Variants in TEX36 observed in about 807,000 individuals in gnomAD.
TEX36 encodes the protein testis-expressed protein 36.
A neutral mutation model predicts 13.6 loss-of-function variants in TEX36; 12 were observed. That is an observed-to-expected ratio of 0.88 (90% CI 0.56 to 1.43). TEX36 has a LOEUF of 1.43. Ranked by LOEUF, TEX36 falls within the 40% of genes most tolerant of loss-of-function variation. TEX36 has a pLI of 0.00. For missense variants in TEX36, 224 were observed against 228.3 expected (o/e 0.98, Z 0.12); for synonymous variants, 93 against 83.0 (o/e 1.12, Z -0.65).
At chr10:125,596,444 A>G (rs751888324) in intron 3 of TEX36, among the ~76,000 whole-genome samples, 1 of 152,150 alleles carries the variant, frequency 6.6e-6, no homozygotes, top group Non-Finnish European at 1.5e-5. Context: ...GGAGGAAGAG[A>G]CCATGAATTA....
chr10:125,669,261 A>G (rs1847179101), intron 1 of TEX36, among the ~76,000 whole-genome samples: 1 of 152,184 alleles, frequency 6.6e-6, no homozygotes. Flanking sequence ...ACTGCCCTCC[A>G]GCCTGGAAAC....
At chr10:125,640,319 A>G (rs931931584) in intron 3 of TEX36, 2 of 525,708 alleles carry the variant, frequency 3.8e-6, no homozygotes, top group Non-Finnish European at 4.9e-6. Context: ...TTCTATTGGG[A>G]GAGAGAATAA....
chr10:125,608,691 A>G (rs1301476542), intron 3 of TEX36, among the ~76,000 whole-genome samples: 5 of 152,196 alleles, frequency 3.3e-5, no homozygotes, highest in African/African-American at 7.2e-5. Context: ...ACTGTGTGCC[A>G]GCACTAGGGA....
chr10:125,683,150 G>T lies in TEX36; in HGVS notation c.-161C>A. On this transcript the variant is annotated 5_prime_UTR_variant, in exon 1 of 4. Transcript: ENST00000368821. ...TTTACTTCTCAGCCTCTTCCAGGAG[G>T]GGAAGGTGCGGGTGCCCATTGTTGT... is the stretch of plus-strand genomic sequence containing the variant. The T allele has an allele frequency of 1.3e-6, 1 of 785,338 alleles. No individual in the cohort carries two copies. The highest frequency in any genetic ancestry group is 2.1e-6 in the Non-Finnish European group (1 of 473,874). 48.6% of individuals were successfully genotyped at this position (785,338 alleles called of 1,614,324 possible).
At chr10:125,650,414 A>G (rs1846834530) in intron 3 of TEX36, among the ~76,000 whole-genome samples, 1 of 152,198 alleles carries the variant, frequency 6.6e-6, no homozygotes, top group Admixed American at 6.5e-5. Flanking sequence ...ACATAACGAA[A>G]TGAAGGCAGA....
chr10:125,646,020 A>G (rs1846762476), intron 3 of TEX36, among the ~76,000 whole-genome samples: 1 of 152,252 alleles, frequency 6.6e-6, no homozygotes, highest in African/African-American at 2.4e-5. Context: ...ACACTTCTCA[A>G]TAACTATTGA....
chr10:125,663,136 T>G (rs1355851606), intron 1 of TEX36, among the ~76,000 whole-genome samples: 1 of 152,208 alleles, frequency 6.6e-6, no homozygotes, highest in Admixed American at 6.5e-5. Flanking sequence ...TGAGAGAGAC[T>G]AAACTTTCTC....
In TEX36 at chr10:125,602,453, C is replaced by T. The variant is rs571140782; in HGVS notation, c.265-25579G>A. Among the ~76,000 whole-genome samples the T allele has an allele frequency of 1.6e-4, 24 of 152,312 alleles. 1 individual carries two copies. In the South Asian group the frequency reaches 3.3e-3, roughly 21 times the overall value. ...TCCTCAAGCCCCACTGGGCACCTTC[C>T]GCCCCGTCTCGTGCTGTTCCCCTCT... is the stretch of plus-strand genomic sequence containing the variant. On this transcript the variant is annotated intron_variant, in intron 3 of 3. Transcript: ENST00000532135.
exon 4 of TEX36, chr10:125,576,554 C>A (rs1328816319): frequency 1.4e-6 from 1 of 714,042 alleles, no homozygotes; most frequent in Non-Finnish European, 2.2e-6. Flanking sequence ...CCTATTAATA[C>A]CTGCGCCCAC....
intron 2 of TEX36, 72 bp downstream of exon 2, chr10:125,661,774 C>A (rs1847046726): frequency 3.3e-6 from 5 of 1,526,008 alleles, no homozygotes; most frequent in African/African-American, 1.4e-5. Flanking sequence ...TTGTTTGGCC[C>A]AACGTGCCAG....
At chr10:125,640,341 T>C (rs750842142) in intron 3 of TEX36, 32 of 365,008 alleles carry the variant, frequency 8.8e-5, no homozygotes, top group Admixed American at 2.6e-4. Context: ...GCATTTGAGG[T>C]TATTTTGGTT....
chr10:125,622,671 T>A (rs1405281296), intron 3 of TEX36, among the ~76,000 whole-genome samples: 2 of 152,232 alleles, frequency 1.3e-5, no homozygotes. Flanking sequence ...CGTAGAGCCA[T>A]TGACCTTAAT....
chr10:125,587,197 A>G (rs1398823865), intron 3 of TEX36, among the ~76,000 whole-genome samples: 1 of 152,152 alleles, frequency 6.6e-6, no homozygotes, highest in African/African-American at 2.4e-5. Context: ...ACAGCAGTAC[A>G]AGAACAAATT....
At chr10:125,628,626 C>G (rs1020508150) in intron 3 of TEX36, among the ~76,000 whole-genome samples, 5 of 152,230 alleles carry the variant, frequency 3.3e-5, no homozygotes, top group Non-Finnish European at 7.3e-5. Flanking sequence ...TTGGAGGAAT[C>G]TTTTAGAAGT....
intron 1 of TEX36, among the ~76,000 whole-genome samples, chr10:125,679,417 C>CTA (rs1047625820): frequency 5.9e-5 from 9 of 152,170 alleles, no homozygotes; most frequent in African/African-American, 2.2e-4. Flanking sequence ...TGGCACCTTG[C>CTA]TATAGCAGCC....
rs56198506 is a variant in TEX36, at chr10:125,587,786, T to TAA, written c.265-10914_265-10913dup. Among the ~76,000 whole-genome samples, 719 of 101,858 alleles carry TAA rather than the reference T, an allele frequency of 7.1e-3. 8 individuals are homozygous for TAA. Among genetic ancestry groups the TAA allele is most frequent in the African/African-American group, 0.023 (619 of 27,360 alleles). 66.8% of individuals were successfully genotyped at this position (101,858 alleles called of 152,430 possible). A position where few individuals can be genotyped will look rare whatever the true frequency, so the allele number is the denominator to read the frequency against. On this transcript the variant is annotated intron_variant, in intron 3 of 3. Transcript: ENST00000532135. ...GGCGAGCGAAGCTCTGTCTCAAAAT[T>TAA]AAAAAAAAAAAAAAAAAAAAAAGAC...
chr10:125,579,555 A>G (rs1353925150), intron 3 of TEX36, among the ~76,000 whole-genome samples: 1 of 152,184 alleles, frequency 6.6e-6, no homozygotes, highest in Non-Finnish European at 1.5e-5. Flanking sequence ...CTTCAAGCCC[A>G]TCTTCTTGCT....
rs959936720 is a variant in TEX36 at position 125,635,272 on chromosome 10, C to A, written c.265-13627G>T. On this transcript the variant is annotated intron_variant, in intron 3 of 3. Transcript: ENST00000526819. ...TTAGCCATTGGAATCTTCTAGGTAG[C>A]CAGACTCTTACCCTGCATCTAGCAC... 2.0e-5 allele frequency among the ~76,000 whole-genome samples: 3 copies of A among 152,134 alleles called. 1 individual carries two copies. The highest frequency in any genetic ancestry group is 2.0e-4 in the Admixed American group (3 of 15,276).
intron 3 of TEX36, among the ~76,000 whole-genome samples, chr10:125,641,690 C>A (rs541498624): frequency 6.6e-6 from 1 of 152,296 alleles, no homozygotes; most frequent in East Asian, 1.9e-4. Flanking sequence ...CTGTTTATTC[C>A]TCTGTTCAGA....
Sources: gnomAD v4.1 joint callset for allele counts (sites outside exome capture counted in the v4.1 genomes callset) on GRCh38, gnomAD v4.1.1 for gene constraint, MANE v1.5 for transcripts, NCBI Gene and HGNC (gene_info 2026-07-23, HGNC 2026-07-21) for gene names.